The following CEP104 variants were observed in gnomAD, a reference collection of about 807,000 sequenced individuals.
The protein encoded by CEP104 is centrosomal protein 104, also known as centrosomal protein of 104 kDa.
In CEP104, 84 loss-of-function variants were observed where a neutral mutation model predicts 113.3. That is an observed-to-expected ratio of 0.74 (90% CI 0.62 to 0.89). The LOEUF (loss-of-function observed/expected upper bound fraction) is 0.89, where lower values mean the gene tolerates loss of function less well. Among genes scored for constraint, CEP104 ranks in the 40% least tolerant of loss-of-function variants. The pLI, the probability that CEP104 is intolerant of heterozygous loss-of-function variation, is 0.00. For synonymous variants in CEP104, 378 were observed against 421.7 expected, an observed-to-expected ratio of 0.90 and a Z score of 1.27; for missense variants, 1,053 against 1,156.6, an observed-to-expected ratio of 0.91 and a Z score of 1.30.
chr1:3,829,158 G>A (rs1346419300), intron 15 of CEP104, 108 bp downstream of exon 15: 2 of 745,760 alleles, frequency 2.7e-6, no homozygotes, highest in Non-Finnish European at 4.1e-6. Flanking sequence ...GAATCAAGAC[G>A]CTCATTTGCA....
intron 6 of CEP104, chr1:3,843,067 C>T (rs767578640): frequency 2.2e-5 from 12 of 549,130 alleles, no homozygotes; most frequent in Non-Finnish European, 3.4e-5. Context: ...GGATTACAGG[C>T]GTGCGACATA....
chr1:3,831,360 AG>A (rs1238253241), intron 12 of CEP104, 138 bp from the exon 13 acceptor site: 1 of 645,918 alleles, frequency 1.5e-6, no homozygotes, highest in East Asian at 2.6e-5. Flanking sequence ...GAGCAATGAG[AG>A]CACTGATCCG....
rs956926387 is a variant in CEP104 at position 3,814,752 on chromosome 1, C to T, written c.*650G>A. On this transcript the variant is annotated 3_prime_UTR_variant, in exon 22 of 22. Transcript: ENST00000378230. The stretch of plus-strand genomic sequence containing the variant: ...CAGCAAGGTGCGGCTGAGGTGGGAC[C>T]AATTCTCAAAAAAACTACGATTAAA... 6.6e-6 allele frequency: 1 copy of T among 152,218 alleles called. No individual in the cohort carries two copies. Among genetic ancestry groups the T allele is most frequent in the African/African-American group, 2.4e-5 (1 of 41,426 alleles). The allele number at this position is 152,218 out of a possible 1,614,324, so 9.4% of individuals were successfully genotyped here.
intron 3 of CEP104, chr1:3,847,850 G>GTTGTTT: frequency 1.8e-5 from 9 of 504,130 alleles, no homozygotes; most frequent in Non-Finnish European, 3.1e-5. Flanking sequence ...TGTTGTTGTT[G>GTTGTTT]TTGAGATGGA....
At chr1:3,849,210 G>A (rs1046488886) in intron 2 of CEP104, among the ~76,000 whole-genome samples, 3 of 151,734 alleles carry the variant, frequency 2.0e-5, no homozygotes, top group African/African-American at 7.3e-5. Flanking sequence ...GTGGTCTAGG[G>A]AGACAAGCCT....
intron 6 of CEP104, among the ~76,000 whole-genome samples, chr1:3,842,325 C>T (rs1644428451): frequency 6.6e-6 from 1 of 152,242 alleles, no homozygotes; most frequent in African/African-American, 2.4e-5. Flanking sequence ...CGTGATCCGC[C>T]CGCCTCGGCC....
chr1:3,816,927 G>A (rs1424920972), intron 20 of CEP104, among the ~76,000 whole-genome samples: 1 of 152,250 alleles, frequency 6.6e-6, no homozygotes, highest in African/African-American at 2.4e-5. Flanking sequence ...CCGTCTGCAT[G>A]GGGACAGGGA....
At chr1:3,847,895 C>G (rs1252329388) in intron 3 of CEP104, among the ~76,000 whole-genome samples, 1 of 151,996 alleles carries the variant, frequency 6.6e-6, no homozygotes, top group Non-Finnish European at 1.5e-5. Flanking sequence ...AGTGCAGTGG[C>G]GCGATCTTGG....
At chr1:3,850,339 C>A (rs775848191) in intron 2 of CEP104, among the ~76,000 whole-genome samples, 5 of 152,188 alleles carry the variant, frequency 3.3e-5, no homozygotes, top group Admixed American at 6.5e-5. Context: ...ATGCATTTAT[C>A]CCTTCAAGAT....
At chr1:3,831,455 C>T (rs149204483) in intron 12 of CEP104, among the ~76,000 whole-genome samples, 226 of 152,212 alleles carry the variant, frequency 1.5e-3, no homozygotes, top group Non-Finnish European at 2.0e-3. Flanking sequence ...AAGAATAAAA[C>T]GATTTTATGT....
At chr1:3,843,938 T>C (rs552339921) in intron 6 of CEP104, among the ~76,000 whole-genome samples, 4 of 152,044 alleles carry the variant, frequency 2.6e-5, no homozygotes, top group Non-Finnish European at 5.9e-5. Flanking sequence ...ATTTTTGTAT[T>C]TTGAGTAGAG....
chr1:3,817,792 C>T (rs1333365543), intron 20 of CEP104, among the ~76,000 whole-genome samples: 3 of 152,236 alleles, frequency 2.0e-5, no homozygotes, highest in African/African-American at 7.2e-5. Flanking sequence ...GCCAATGGGA[C>T]AGTGGCAGAC....
In CEP104 at chr1:3,852,564, T is replaced by A. The variant is rs1038944279; in HGVS notation, c.-14-143A>T. The A allele has an allele frequency of 8.1e-6, 6 of 744,632 alleles. No homozygotes were observed. The South Asian group carries it at 1.3e-4, about 16-fold the overall frequency. The allele number at this position is 744,632 out of a possible 1,614,324, so 46.1% of individuals were successfully genotyped here. A position where few individuals can be genotyped will look rare whatever the true frequency, so the allele number is the denominator to read the frequency against. ...TTTTCCCATCTCTTTGAAAAGAGTC[T>A]ATTTTTTTTTGTTAAACACTTTTAT... On this transcript the variant is annotated intron_variant, in intron 1 of 21. Transcript: ENST00000378230.
chr1:3,836,714 G>A (rs762978897), intron 9 of CEP104, 22 bp from the exon 10 acceptor site: 33 of 1,610,486 alleles, frequency 2.0e-5, no homozygotes, highest in Non-Finnish European at 2.6e-5. Flanking sequence ...GAAGGAGAGA[G>A]GAAAGTGCTG....
At chr1:3,826,792 G>C (rs757051788) in intron 15 of CEP104, 48 bp from the exon 16 acceptor site, 2 of 1,535,480 alleles carry the variant, frequency 1.3e-6, no homozygotes, top group South Asian at 1.1e-5. Context: ...TGCAGTGTGA[G>C]TGAGTGAGAG....
At chr1:3,817,083 C>T (rs1643891676) in intron 20 of CEP104, among the ~76,000 whole-genome samples, 1 of 152,236 alleles carries the variant, frequency 6.6e-6, no homozygotes, top group African/African-American at 2.4e-5. Context: ...GTAATCCCAA[C>T]ACTTTGGGAG....
chr1:3,821,934 G>A (rs1643982377), intron 20 of CEP104, among the ~76,000 whole-genome samples: 1 of 152,236 alleles, frequency 6.6e-6, no homozygotes, highest in Non-Finnish European at 1.5e-5. Flanking sequence ...CTTCTGACCT[G>A]ATGAGATGGC....
chr1:3,855,740 C>T (rs1485891546), intron 1 of CEP104: 1 of 236,040 alleles, frequency 4.2e-6, no homozygotes, highest in Admixed American at 6.5e-5. Context: ...TCTGTGTAAA[C>T]CTTCAAGTGT....
chr1:3,829,848 T>A lies in CEP104; in HGVS notation c.1986A>T (p.Lys662Asn). 2 of 1,614,202 alleles carry A rather than the reference T, an allele frequency of 1.2e-6. No individual in the cohort carries two copies. The highest frequency in any genetic ancestry group is 1.7e-6 in the Non-Finnish European group (2 of 1,180,034). Residue 662 changes from lysine to asparagine, a missense_variant, in exon 14 of 22, where the codon AAA becomes AAT. By Grantham distance (94) the Lys-to-Asn change is moderately conservative (BLOSUM62 0). Coordinates refer to ENST00000378230, the MANE Select transcript of CEP104 (RefSeq NM_014704.4). ...DSNTRRNILY[K>N]TIFEGFAKID... Reference sequence around the variant, plus strand: ...TTTTAGCAAATCCCTCAAAAATTGTTTTGTAGAGAATGTTCCTGCGTGTGT... The same window carrying A: ...TTTTAGCAAATCCCTCAAAAATTGTATTGTAGAGAATGTTCCTGCGTGTGT...
Sources: gnomAD v4.1 joint callset for allele counts (sites outside exome capture counted in the v4.1 genomes callset) on GRCh38, gnomAD v4.1.1 for gene constraint, MANE v1.5 for transcripts, NCBI Gene and HGNC (gene_info 2026-07-23, HGNC 2026-07-21) for gene names.